Variants in LRRC8A observed in about 807,000 individuals in gnomAD.
LRRC8A encodes the protein leucine rich repeat containing 8 VRAC subunit A, also known as volume-regulated anion channel subunit LRRC8A.
LRRC8A carries 24 observed loss-of-function variants against 52.5 expected under a neutral mutation model. That is an observed-to-expected ratio of 0.46 (90% confidence interval 0.33 to 0.64). The LOEUF is 0.64. LRRC8A is among the 30% of genes least tolerant of loss of function. The pLI is 0.02. For synonymous variants in LRRC8A, 492 were observed against 494.2 expected (o/e 1.00, Z 0.06); for missense variants, 677 against 1,094.7 (o/e 0.62, Z 5.38).
intron 2 of LRRC8A, among the ~76,000 whole-genome samples, chr9:128,891,982 G>T (rs1333678471): frequency 6.6e-6 from 1 of 152,124 alleles, no homozygotes; most frequent in Non-Finnish European, 1.5e-5. Flanking sequence ...AATAATAACA[G>T]CAGTGAACGT....
rs949159481 is a variant in LRRC8A, at chr9:128,902,819, T to C, written c.-8-4338T>C. On this transcript the variant is annotated intron_variant, in intron 2 of 3. Coordinates refer to ENST00000372600, the MANE Select transcript of LRRC8A (RefSeq NM_019594.4). The surrounding 1 kb of genome is among the most constrained non-coding windows in gnomAD (Gnocchi z 4.1). ...CCGGGCCTTCCTGTGGGGCGGGTGC[T>C]TGCCCTGGCCCGTGAGTCCTGGCAT... is the stretch of plus-strand genomic sequence containing the variant. 9.9e-5 allele frequency among the ~76,000 whole-genome samples: 15 copies of C among 152,146 alleles called. No individual in the cohort carries two copies. Among genetic ancestry groups the C allele is most frequent in the Non-Finnish European group, 2.1e-4 (14 of 68,000 alleles).
Position 128,908,058 on chromosome 9 carries a change from C to T in LRRC8A, c.894C>T (p.Asp298=), listed in dbSNP as rs1207581179. ...AGTTCGACGTGGACTGCACCGTGGACATTGAGAGCCTGACGGGCTACCGCA... is the reference window on the plus strand; with the variant it reads ...AGTTCGACGTGGACTGCACCGTGGATATTGAGAGCCTGACGGGCTACCGCA... ...NIKFDVDCTV[D]IESLTGYRTY... is the part of the protein sequence containing the mutation. Residue 298 remains aspartate (D), a synonymous_variant, in exon 3 of 4, where the codon GAC becomes GAT. Transcript: ENST00000372600. 1 of 1,614,004 alleles carries T rather than the reference C, an allele frequency of 6.2e-7. No individual in the cohort carries two copies. Among genetic ancestry groups the T allele is most frequent in the African/African-American group, 1.3e-5 (1 of 74,934 alleles).
At chr9:128,912,221 C>A (rs919541572) in intron 3 of LRRC8A, among the ~76,000 whole-genome samples, 2 of 152,178 alleles carry the variant, frequency 1.3e-5, no homozygotes, top group Admixed American at 6.5e-5. Flanking sequence ...CTTCGCCTGG[C>A]CTTTGTGCAG....
intron 3 of LRRC8A, among the ~76,000 whole-genome samples, chr9:128,910,740 T>TG: frequency 6.6e-6 from 1 of 152,222 alleles, no homozygotes; most frequent in East Asian, 1.9e-4. Context: ...GGGGTTTATT[T>TG]GGGGGAACTT....
At position 128,909,047 on chromosome 9, in the gene LRRC8A, C is replaced by G; in HGVS notation, c.1883C>G (p.Thr628Ser). 6.2e-7 allele frequency: 1 copy of G among 1,614,170 alleles called. No individual in the cohort carries two copies. The highest frequency in any genetic ancestry group is 1.1e-5 in the South Asian group (1 of 91,090). ...GACCTCAAGGACAACAACCTCAAGA[C>G]CATCGAGGAGATCATCAGCTTCCAG... is the stretch of plus-strand genomic sequence containing the variant. Reference protein sequence around the residue: ...EIDLKDNNLKTIEEIISFQHL... With the variant: ...EIDLKDNNLKSIEEIISFQHL... The change falls in exon 3 of 4, where the codon ACC becomes AGC. Residue 628 changes from threonine (T) to serine (S), a missense_variant. Thr to Ser is a moderately conservative substitution (Grantham distance 58, BLOSUM62 1). Around this residue, in one of 4 missense-constraint regions of LRRC8A, gnomAD observed 422 missense variants for 741.5 expected, o/e 0.57. Coordinates refer to ENST00000372600, the MANE Select transcript of LRRC8A (RefSeq NM_019594.4).
At position 128,908,405 on chromosome 9, in the gene LRRC8A, A is replaced by T. The variant is rs752328296; in HGVS notation, c.1241A>T (p.Asp414Val). The change falls in exon 3 of 4, where the codon GAC becomes GTC. Residue 414 changes from aspartate to valine, a missense_variant. This residue lies in a region of LRRC8A where 422 missense variants were observed against 741.5 expected (regional missense o/e 0.57). Coordinates refer to ENST00000372600, the MANE Select transcript of LRRC8A (RefSeq NM_019594.4). Reference sequence around the variant, plus strand: ...AACCTCAACAACGAGTGGACGCTGGACAAGCTCCGGCAGCGGCTCACCAAG... The same window carrying T: ...AACCTCAACAACGAGTGGACGCTGGTCAAGCTCCGGCAGCGGCTCACCAAG... ...QLNLNNEWTL[D>V]KLRQRLTKNA... 1 of 1,613,670 alleles carries T rather than the reference A, an allele frequency of 6.2e-7. No individual in the cohort carries two copies. Among genetic ancestry groups the T allele is most frequent in the Non-Finnish European group, 8.5e-7 (1 of 1,180,022 alleles).
At chr9:128,909,355 T>C in intron 3 of LRRC8A, 34 bp downstream of exon 3, 1 of 1,593,456 alleles carries the variant, frequency 6.3e-7, no homozygotes. Flanking sequence ...GCGTGTGGGC[T>C]GGCGGGTGGC....
At chr9:128,912,008 A>G (rs539794644) in intron 3 of LRRC8A, among the ~76,000 whole-genome samples, 1 of 152,356 alleles carries the variant, frequency 6.6e-6, no homozygotes, top group South Asian at 2.1e-4. Context: ...CTCCAGATTT[A>G]TACTCTTGCT....
At chr9:128,884,095 T>C (rs1255906123) in intron 1 of LRRC8A, among the ~76,000 whole-genome samples, 2 of 152,180 alleles carry the variant, frequency 1.3e-5, no homozygotes, top group East Asian at 1.9e-4. Context: ...GCCGTTTCCT[T>C]TGCAAACTCT....
intron 2 of LRRC8A, among the ~76,000 whole-genome samples, chr9:128,887,635 A>G (rs1360371540): frequency 6.6e-6 from 1 of 151,442 alleles, no homozygotes; most frequent in Non-Finnish European, 1.5e-5. Flanking sequence ...GTTTCATATA[A>G]TGATATCCCC....
rs777976041 is a variant in LRRC8A, at chr9:128,908,061, T to C, written c.897T>C (p.Ile299=). 2.5e-6 allele frequency: 4 copies of C among 1,614,040 alleles called. No individual in the cohort carries two copies. Among genetic ancestry groups the C allele is most frequent in the Non-Finnish European group, 2.5e-6 (3 of 1,180,010 alleles). ...IKFDVDCTVD[I]ESLTGYRTYR... ...TCGACGTGGACTGCACCGTGGACAT[T>C]GAGAGCCTGACGGGCTACCGCACCT... Residue 299 remains isoleucine (I), a synonymous_variant, in exon 3 of 4, where the codon ATT becomes ATC. Transcript: ENST00000372600.
At position 128,892,636 on chromosome 9, in the gene LRRC8A, G is replaced by A. The variant is rs1388255011; in HGVS notation, c.-9+6515G>A. ...GGGCCTCCAGGGCAGTGTCCGCCCT[G>A]GGGAGGGTGGAGGCTGTGTGTGCCA... On this transcript the variant is annotated intron_variant, in intron 2 of 3. Transcript: ENST00000372600. The surrounding 1 kb of genome is among the most constrained non-coding windows in gnomAD (Gnocchi z 5.2). Among the ~76,000 whole-genome samples the A allele has an allele frequency of 6.6e-6, 1 of 152,154 alleles. No homozygotes were observed. Among genetic ancestry groups the A allele is most frequent in the Non-Finnish European group, 1.5e-5 (1 of 68,000 alleles).
chr9:128,897,613 C>T (rs1182574267), intron 2 of LRRC8A, among the ~76,000 whole-genome samples: 2 of 151,456 alleles, frequency 1.3e-5, no homozygotes, highest in African/African-American at 2.4e-5. Context: ...GGCGCAATCT[C>T]GGCTCACTGC....
chr9:128,890,092 C>T (rs960213418), intron 2 of LRRC8A, among the ~76,000 whole-genome samples: 5 of 150,284 alleles, frequency 3.3e-5, no homozygotes, highest in Non-Finnish European at 4.4e-5. Flanking sequence ...TGTGAGCCAC[C>T]GCACCTGGCC....
At chr9:128,895,142 A>G (rs1839774832) in intron 2 of LRRC8A, among the ~76,000 whole-genome samples, 1 of 152,050 alleles carries the variant, frequency 6.6e-6, no homozygotes, top group African/African-American at 2.4e-5. Flanking sequence ...TGCTCAGCAA[A>G]ATTCTTTTAT....
chr9:128,909,706 G>A (rs962668600), intron 3 of LRRC8A, among the ~76,000 whole-genome samples: 1 of 152,208 alleles, frequency 6.6e-6, no homozygotes, highest in East Asian at 1.9e-4. Context: ...GCCGGGTGGT[G>A]GGAGTCAAGA....
At chr9:128,914,308 T>C (rs4836633) in intron 3 of LRRC8A, among the ~76,000 whole-genome samples, 147,176 of 151,838 alleles carry the variant, frequency 0.97, 71,507 homozygotes, top group East Asian at 1. Flanking sequence ...CCTGGGCCCT[T>C]CTCTAAACGC....
rs1281814259 is a variant in LRRC8A, at chr9:128,909,042, C to T, written c.1878C>T (p.Leu626=). The T allele has an allele frequency of 6.2e-7, 1 of 1,614,182 alleles. No homozygotes were observed. Among genetic ancestry groups the T allele is most frequent in the Non-Finnish European group, 8.5e-7 (1 of 1,180,036 alleles). ...LQEIDLKDNN[L]KTIEEIISFQ... is the part of the protein sequence containing the mutation. ...AGATTGACCTCAAGGACAACAACCT[C>T]AAGACCATCGAGGAGATCATCAGCT... is the stretch of plus-strand genomic sequence containing the variant. Residue 626 remains leucine, a synonymous_variant, in exon 3 of 4, where the codon CTC becomes CTT. Transcript: ENST00000372600.
chr9:128,910,162 A>G (rs1432826907), intron 3 of LRRC8A, among the ~76,000 whole-genome samples: 1 of 152,146 alleles, frequency 6.6e-6, no homozygotes, highest in African/African-American at 2.4e-5. Flanking sequence ...AGCCACTGCC[A>G]TTGTGGGGAA....
Sources: allele counts gnomAD v4.1 joint callset (sites outside exome capture counted in the v4.1 genomes callset), GRCh38; gene constraint gnomAD v4.1.1; regional missense constraint gnomAD v4.1.1; non-coding constraint Gnocchi (gnomAD v3.1); transcripts MANE v1.5; gene names NCBI Gene and HGNC (gene_info 2026-07-23, HGNC 2026-07-21).